Variants in RALGAPA2 observed in about 807,000 individuals in gnomAD.
RALGAPA2 encodes ral GTPase-activating protein subunit alpha-2.
RALGAPA2 carries 139 observed loss-of-function variants against 230.4 expected under a neutral mutation model. The observed-to-expected ratio is 0.60, with a 90% CI of 0.53 to 0.69. The LOEUF (loss-of-function observed/expected upper bound fraction) is 0.69. Ranked by LOEUF, RALGAPA2 falls within the 30% of genes least tolerant of loss-of-function variation. The probability of loss-of-function intolerance (pLI) is 0.00; values close to 1 mark genes in which losing one functional copy is unlikely to be tolerated. For synonymous variants in RALGAPA2, 847 were observed against 837.8 expected (o/e 1.01, Z -0.19); for missense variants, 2,163 against 2,276.0 (o/e 0.95, Z 1.01).
intron 35 of RALGAPA2, among the ~76,000 whole-genome samples, chr20:20,496,610 AAT>A (rs1448343853): frequency 2.0e-5 from 3 of 152,254 alleles, no homozygotes; most frequent in Non-Finnish European, 4.4e-5. Flanking sequence ...GAAGCAGTTT[AAT>A]AAAATAGAGA....
intron 17 of RALGAPA2, 80 bp from the exon 18 acceptor site, chr20:20,589,445 A>C (rs1459882281): frequency 5.1e-6 from 7 of 1,361,946 alleles, no homozygotes; most frequent in Non-Finnish European, 7.1e-6. Context: ...TTTTATATAT[A>C]GGTAACTATT....
At chr20:20,395,558 T>A (rs73901532) in intron 39 of RALGAPA2, among the ~76,000 whole-genome samples, 3,723 of 152,262 alleles carry the variant, frequency 0.024, 148 homozygotes, top group African/African-American at 0.084. Flanking sequence ...GAGGGGACTG[T>A]ACAACCCTTC....
intron 37 of RALGAPA2, chr20:20,470,839 C>A (rs2123378751): frequency 6.6e-6 from 1 of 152,212 alleles, no homozygotes; most frequent in Non-Finnish European, 1.5e-5. Flanking sequence ...ATTAGCCCTT[C>A]TGCAGACAGA....
At chr20:20,624,139 C>A (rs1205455074) in intron 10 of RALGAPA2, among the ~76,000 whole-genome samples, 1 of 152,036 alleles carries the variant, frequency 6.6e-6, no homozygotes, top group East Asian at 1.9e-4. Context: ...CCAGCTTGGC[C>A]AACATGGCGA....
At chr20:20,608,272 G>A (rs548508243) in intron 14 of RALGAPA2, among the ~76,000 whole-genome samples, 40 of 152,224 alleles carry the variant, frequency 2.6e-4, no homozygotes, top group African/African-American at 8.4e-4. Flanking sequence ...AGGGGACTGC[G>A]TAACTTTAAA....
intron 37 of RALGAPA2, among the ~76,000 whole-genome samples, chr20:20,424,493 C>A (rs2060340808): frequency 6.6e-6 from 1 of 152,158 alleles, no homozygotes; most frequent in Non-Finnish European, 1.5e-5. Flanking sequence ...AACTTGATTT[C>A]TGGGAGGAAG....
At chr20:20,512,221 C>A (rs530416655) in intron 32 of RALGAPA2, among the ~76,000 whole-genome samples, 1 of 138,190 alleles carries the variant, frequency 7.2e-6, no homozygotes, top group African/African-American at 2.9e-5. Flanking sequence ...CAACAACCCC[C>A]CCTACACACA....
At position 20,521,047 on chromosome 20, in the gene RALGAPA2, G is replaced by A; in HGVS notation, c.3954C>T (p.Tyr1318=). ...GSSTYTQQSH[Y]ILTLADLSST... is the part of the protein sequence containing the mutation. ...ATGACAAGTCAGCCAGGGTCAGTAT[G>A]TAGTGACTCTGTTGGGTGTACGTGC... Residue 1318 remains tyrosine (Y), a synonymous_variant, in exon 31 of 40, where the codon TAC becomes TAT. Coordinates refer to ENST00000202677, the MANE Select transcript of RALGAPA2 (RefSeq NM_020343.4). The A allele has an allele frequency of 6.2e-7, 1 of 1,613,918 alleles. No individual in the cohort carries two copies.
rs182817524 is a variant in RALGAPA2, at chr20:20,610,411, T to G, written c.1800+904A>C. Among the ~76,000 whole-genome samples, 60 of 152,310 alleles carry G rather than the reference T, an allele frequency of 3.9e-4. 1 individual carries two copies. In the East Asian group the frequency reaches 0.011, roughly 28 times the overall value. ...AGCTCACCAGGTATCAGCCTGCTCT[T>G]GGTCTTCACCTGCTCACCACATGAG... On this transcript the variant is annotated intron_variant, in intron 14 of 39. Coordinates refer to ENST00000202677, the MANE Select transcript of RALGAPA2 (RefSeq NM_020343.4).
intron 3 of RALGAPA2, among the ~76,000 whole-genome samples, chr20:20,664,356 T>G (rs1328283278): frequency 1.3e-5 from 2 of 152,188 alleles, no homozygotes; most frequent in East Asian, 3.8e-4. Context: ...AAAGGTCTAA[T>G]CTCTTTTTAA....
At chr20:20,468,372 C>T (rs932606051) in intron 37 of RALGAPA2, among the ~76,000 whole-genome samples, 2 of 152,224 alleles carry the variant, frequency 1.3e-5, no homozygotes, top group Non-Finnish European at 2.9e-5. Flanking sequence ...GGCTGCCGCT[C>T]TTCAATGCAG....
intron 9 of RALGAPA2, among the ~76,000 whole-genome samples, chr20:20,629,912 C>T (rs1474721356): frequency 6.6e-6 from 1 of 152,122 alleles, no homozygotes; most frequent in Non-Finnish European, 1.5e-5. Context: ...TGTGTAAAAA[C>T]ATTTGTATTA....
chr20:20,469,133 G>A (rs547094201), intron 37 of RALGAPA2, among the ~76,000 whole-genome samples: 1 of 152,186 alleles, frequency 6.6e-6, no homozygotes, highest in East Asian at 1.9e-4. Context: ...CAACGACTGT[G>A]CCTGGCACAT....
At chr20:20,605,447 T>A (rs1309313899) in intron 14 of RALGAPA2, 35 bp from the exon 15 acceptor site, 1 of 1,449,850 alleles carries the variant, frequency 6.9e-7, no homozygotes, top group Non-Finnish European at 9.6e-7. Context: ...AATTCACACA[T>A]CTTCATTTGG....
chr20:20,624,328 C>CAAAA (rs748683871), intron 10 of RALGAPA2, among the ~76,000 whole-genome samples: 24 of 48,844 alleles, frequency 4.9e-4, no homozygotes, highest in East Asian at 9.6e-4. Context: ...ACTCCATCTC[C>CAAAA]AAAAAAAAAA....
At chr20:20,613,621 C>T (rs1470918729) in intron 13 of RALGAPA2, among the ~76,000 whole-genome samples, 2 of 152,184 alleles carry the variant, frequency 1.3e-5, no homozygotes, top group Non-Finnish European at 2.9e-5. Context: ...GCCTCCTCCC[C>T]TCTCACGCTC....
At chr20:20,618,293 A>G (rs1193556922) in intron 12 of RALGAPA2, among the ~76,000 whole-genome samples, 1 of 152,250 alleles carries the variant, frequency 6.6e-6, no homozygotes, top group Non-Finnish European at 1.5e-5. Context: ...ACAAAGGGCA[A>G]GGACTCCTGC....
At chr20:20,481,873 C>T (rs1403869236) in intron 36 of RALGAPA2, among the ~76,000 whole-genome samples, 1 of 152,118 alleles carries the variant, frequency 6.6e-6, no homozygotes, top group African/African-American at 2.4e-5. Flanking sequence ...GTGGGCCTCA[C>T]AGAGTGACTA....
chr20:20,419,769 G>A (rs1211644570), intron 37 of RALGAPA2, among the ~76,000 whole-genome samples: 2 of 152,180 alleles, frequency 1.3e-5, no homozygotes, highest in Non-Finnish European at 2.9e-5. Flanking sequence ...ATCCTAGTCT[G>A]CTCAGAGAAC....
Sources: allele counts gnomAD v4.1 joint callset (sites outside exome capture counted in the v4.1 genomes callset), GRCh38; gene constraint gnomAD v4.1.1; transcripts MANE v1.5; gene names NCBI Gene and HGNC (gene_info 2026-07-23, HGNC 2026-07-21).